CMPK2: variants seen among roughly 807,000 people sequenced by gnomAD.
CMPK2 encodes UMP-CMP kinase 2, mitochondrial.
Under a neutral mutation model 33.4 loss-of-function variants are expected in CMPK2, and 32 were observed. The ratio of observed to expected loss-of-function variants is 0.96; its 90% CI spans 0.72 to 1.29. The LOEUF is 1.29. Ranked by LOEUF, CMPK2 falls within the 50% of genes most tolerant of loss-of-function variation. The pLI, the probability that CMPK2 is intolerant of heterozygous loss-of-function variation, is 0.00. For synonymous variants in CMPK2, 299 were observed against 275.3 expected (o/e 1.09, Z -0.85); for missense variants, 672 against 616.0 (o/e 1.09, Z -0.96).
chr2:6,844,764 T>C (rs1454484835), downstream of CMPK2, among the ~76,000 whole-genome samples: 2 of 152,246 alleles, frequency 1.3e-5, no homozygotes, highest in East Asian at 3.8e-4. Context: ...TGAATGTTTC[T>C]GCTTCCTGTT....
At chr2:6,858,558 C>CGG (rs1662782605) in intron 3 of CMPK2, among the ~76,000 whole-genome samples, 1 of 152,162 alleles carries the variant, frequency 6.6e-6, no homozygotes, top group Non-Finnish European at 1.5e-5. Flanking sequence ...AGGGGCAGGT[C>CGG]TTTCCCATGC....
rs1469426245 is a variant in CMPK2 at position 6,849,861 on chromosome 2, T to A, written c.1339A>T (p.Ser447Cys). 1 of 1,613,968 alleles carries A rather than the reference T, an allele frequency of 6.2e-7. No individual in the cohort carries two copies. The change falls in exon 5 of 5, where the codon AGT becomes TGT. Residue 447 changes from serine (S) to cysteine (C), a missense_variant. Physicochemically the swap from Ser to Cys is moderately radical, Grantham distance 112. Coordinates refer to ENST00000256722, the MANE Select transcript of CMPK2 (RefSeq NM_207315.4). ...TVLSLIQNSF[S>C]EP ...CCTGGCCAGAGTAACTACGGTTCAC[T>A]AAAACTATTCTGGATTAGGCTTAAT... is the stretch of plus-strand genomic sequence containing the variant.
chr2:6,865,295 G>T lies in CMPK2; in HGVS notation c.402C>A (p.Arg134=). Reference sequence around the variant, plus strand: ...GGGTGTCAGGGTCATCCAGGGGGTCGCGCAGCAGGAAGCCTTGCTGTGCGC... The same window carrying T: ...GGGTGTCAGGGTCATCCAGGGGGTCTCGCAGCAGGAAGCCTTGCTGTGCGC... ...AGGAQQGFLL[R]DPLDDPDTRQ... The change falls in exon 1 of 5, where the codon CGC becomes CGA. Residue 134 remains arginine, a synonymous_variant. Transcript: ENST00000256722. 1 of 1,527,502 alleles carries T rather than the reference G, an allele frequency of 6.5e-7. No individual in the cohort carries two copies. The highest frequency in any genetic ancestry group is 8.7e-7 in the Non-Finnish European group (1 of 1,145,428). 94.6% of individuals were successfully genotyped at this position (1,527,502 alleles called of 1,614,324 possible).
chr2:6,843,931 G>A (rs148380657), downstream of CMPK2, among the ~76,000 whole-genome samples: 90 of 152,280 alleles, frequency 5.9e-4, no homozygotes, highest in Non-Finnish European at 1.0e-3. Flanking sequence ...GATAGTAATG[G>A]CAGTTCGAGT....
At position 6,849,664 on chromosome 2, in the gene CMPK2, G is replaced by A. The variant is rs1276203231; in HGVS notation, c.*186C>T. On this transcript the variant is annotated 3_prime_UTR_variant, in exon 5 of 5. Transcript: ENST00000256722. ...GGAACATGATGAGAGGGACCTTTGT[G>A]ATGACGGGTCCATCAGTCAGAAGAG... 1 of 1,433,812 alleles carries A rather than the reference G, an allele frequency of 7.0e-7. No homozygotes were observed. Among genetic ancestry groups the A allele is most frequent in the Non-Finnish European group, 9.1e-7 (1 of 1,102,480 alleles). The allele number at this position is 1,433,812 out of a possible 1,614,324, so 88.8% of individuals were successfully genotyped here.
In CMPK2 at chr2:6,848,804, G is replaced by A. The variant is rs1662427455; in HGVS notation, c.*1046C>T. On this transcript the variant is annotated 3_prime_UTR_variant, in exon 5 of 5. Transcript: ENST00000256722. ...CCCCCTCACTCAGCTACTTTTTTCT[G>A]TCTAAAGATATGTCAAAGCGATTTC... The A allele has an allele frequency of 1.0e-6, 1 of 985,600 alleles. No individual in the cohort carries two copies. The highest frequency in any genetic ancestry group is 1.2e-6 in the Non-Finnish European group (1 of 829,890). 61.1% of individuals were successfully genotyped at this position (985,600 alleles called of 1,614,324 possible).
At chr2:6,856,938 G>T (rs556825556) in intron 3 of CMPK2, among the ~76,000 whole-genome samples, 71 of 152,270 alleles carry the variant, frequency 4.7e-4, no homozygotes, top group Non-Finnish European at 8.4e-4. Context: ...TTCAAATTTT[G>T]CAACAGTATG....
intron 3 of CMPK2, among the ~76,000 whole-genome samples, chr2:6,842,806 C>G (rs376123366): frequency 1.1e-4 from 17 of 152,240 alleles, no homozygotes; most frequent in Admixed American, 1.0e-3. Flanking sequence ...ATCCTCTTAG[C>G]TGTTTGAGGG....
Position 6,865,115 on chromosome 2 carries a change from G to C in CMPK2, c.582C>G (p.Pro194=), listed in dbSNP as rs768051495. The change falls in exon 1 of 5, where the codon CCC becomes CCG. Residue 194 remains proline, a synonymous_variant. Coordinates refer to ENST00000256722, the MANE Select transcript of CMPK2 (RefSeq NM_207315.4). ...RLQVGCAQVV[P]VPEPPLHPVV... The stretch of plus-strand genomic sequence containing the variant: ...CCGGGTGCAGCGGGGGCTCCGGGAC[G>C]GGCACGACCTGTGCGCAGCCCACCT... 42 of 1,508,542 alleles carry C rather than the reference G, an allele frequency of 2.8e-5. No individual in the cohort carries two copies. The African/African-American group carries it at 4.8e-4, about 17-fold the overall frequency. 93.4% of individuals were successfully genotyped at this position (1,508,542 alleles called of 1,614,324 possible). A position where few individuals can be genotyped will look rare whatever the true frequency, so the allele number is the denominator to read the frequency against.
chr2:6,861,066 T>C (rs1662860588), intron 3 of CMPK2, 118 bp downstream of exon 3: 1 of 830,024 alleles, frequency 1.2e-6, no homozygotes, highest in Non-Finnish European at 1.9e-6. Flanking sequence ...TAAACACAAT[T>C]TTTTTCCTGG....
intron 4 of CMPK2, among the ~76,000 whole-genome samples, chr2:6,850,394 T>C (rs551908771): frequency 6.6e-6 from 1 of 152,366 alleles, no homozygotes; most frequent in African/African-American, 2.4e-5. Context: ...AATATATGCA[T>C]GGGACTCTTC....
At chr2:6,845,932 A>G (rs1402060934), downstream of CMPK2, among the ~76,000 whole-genome samples, 1 of 152,072 alleles carries the variant, frequency 6.6e-6, no homozygotes, top group African/African-American at 2.4e-5. Context: ...TCTTATCAGG[A>G]TGGCTACCTC....
Position 6,865,874 on chromosome 2 carries a change from G to C in CMPK2, c.-178C>G. 7.3e-7 allele frequency: 1 copy of C among 1,369,272 alleles called. No individual in the cohort carries two copies. The highest frequency in any genetic ancestry group is 9.4e-7 in the Non-Finnish European group (1 of 1,062,942). The allele number at this position is 1,369,272 out of a possible 1,614,324, so 84.8% of individuals were successfully genotyped here. A position where few individuals can be genotyped will look rare whatever the true frequency, so the allele number is the denominator to read the frequency against. ...GGGGCAGGAGCCCTGGGGCTGGGGCGCCCTTCCGGCCTCTCCTCCTCGCCG... is the reference window on the plus strand; with the variant it reads ...GGGGCAGGAGCCCTGGGGCTGGGGCCCCCTTCCGGCCTCTCCTCCTCGCCG... On this transcript the variant is annotated 5_prime_UTR_variant, in exon 1 of 5. Transcript: ENST00000256722.
downstream of CMPK2, among the ~76,000 whole-genome samples, chr2:6,847,590 G>T (rs1373842942): frequency 6.6e-6 from 1 of 152,100 alleles, no homozygotes; most frequent in Non-Finnish European, 1.5e-5. Context: ...GTGGGGTGAG[G>T]CACTGACTGG....
At chr2:6,861,084 A>G in intron 3 of CMPK2, 100 bp downstream of exon 3, 1 of 973,956 alleles carries the variant, frequency 1.0e-6, no homozygotes, top group Non-Finnish European at 1.6e-6. Flanking sequence ...TGGCATATAC[A>G]TGTACGTATA....
chr2:6,843,236 C>G (rs531402116), intron 3 of CMPK2, among the ~76,000 whole-genome samples: 8 of 152,126 alleles, frequency 5.3e-5, no homozygotes, highest in Non-Finnish European at 1.2e-4. Flanking sequence ...CCTTTAGGTC[C>G]CACACTGTGA....
In CMPK2 at chr2:6,851,447, T is replaced by A. The variant is rs778379363; in HGVS notation, c.1226+3A>T. The A allele has an allele frequency of 1.2e-6, 2 of 1,614,250 alleles. No individual in the cohort carries two copies. Among genetic ancestry groups the A allele is most frequent in the Admixed American group, 3.3e-5 (2 of 60,030 alleles). Reference sequence around the variant, plus strand: ...TCACATTGCATTGCACTGGGACACCTACTTTTGACGAAACACACTGTTGGC... The same window carrying A: ...TCACATTGCATTGCACTGGGACACCAACTTTTGACGAAACACACTGTTGGC... On this transcript the variant is annotated splice_donor_region_variant and intron_variant, in intron 4 of 4. Transcript: ENST00000256722.
At chr2:6,844,185 T>C (rs1662299660), downstream of CMPK2, among the ~76,000 whole-genome samples, 1 of 152,172 alleles carries the variant, frequency 6.6e-6, no homozygotes, top group African/African-American at 2.4e-5. Context: ...TTTATAGGCC[T>C]CTAATGTGAC....
chr2:6,864,634 A>T (rs1164666275), intron 1 of CMPK2, among the ~76,000 whole-genome samples: 1 of 151,836 alleles, frequency 6.6e-6, no homozygotes, highest in South Asian at 2.1e-4. Flanking sequence ...AATTTCTTAA[A>T]CCCCCTAAAC....
Sources: gnomAD v4.1 joint callset for allele counts (sites outside exome capture counted in the v4.1 genomes callset) on GRCh38, gnomAD v4.1.1 for gene constraint, MANE v1.5 for transcripts, NCBI Gene and HGNC (gene_info 2026-07-23, HGNC 2026-07-21) for gene names.